Variants in VOPP1 observed in about 807,000 individuals in gnomAD.
VOPP1 encodes VOPP1 WW domain binding protein, also known as WW domain binding protein VOPP1.
VOPP1 carries 8 observed loss-of-function variants against 23.5 expected under a neutral mutation model. The ratio of observed to expected loss-of-function variants is 0.34; its 90% CI spans 0.20 to 0.61. The LOEUF (loss-of-function observed/expected upper bound fraction) is 0.61, where lower values mean the gene tolerates loss of function less well. Ranked by LOEUF, VOPP1 falls within the 20% of genes least tolerant of loss-of-function variation. The probability of loss-of-function intolerance (pLI) is 0.78; values close to 1 mark genes in which losing one functional copy is unlikely to be tolerated. For synonymous variants in VOPP1, 83 were observed against 97.3 expected, an observed-to-expected ratio of 0.85 and a Z score of 0.86; for missense variants, 174 against 238.1, an observed-to-expected ratio of 0.73 and a Z score of 1.77.
intron 1 of VOPP1, among the ~76,000 whole-genome samples, chr7:55,549,601 C>A (rs1371429810): frequency 6.6e-6 from 1 of 152,244 alleles, no homozygotes; most frequent in Non-Finnish European, 1.5e-5. Flanking sequence ...GCAGGACACA[C>A]TGGCGGACAC....
At chr7:55,473,099 C>T in intron 4 of VOPP1, 54 bp from the exon 5 acceptor site, 1 of 1,555,170 alleles carries the variant, frequency 6.4e-7, no homozygotes, top group Non-Finnish European at 8.6e-7. Flanking sequence ...CATCACACCG[C>T]AAGTATGTGC....
chr7:55,516,958 T>A, intron 2 of VOPP1, among the ~76,000 whole-genome samples: 1 of 118,330 alleles, frequency 8.5e-6, no homozygotes, highest in Non-Finnish European at 1.8e-5. Flanking sequence ...TTTTTTTTTT[T>A]TTTTTGAGAC....
chr7:55,469,847 C>T (rs1339105930), downstream of VOPP1, among the ~76,000 whole-genome samples: 1 of 152,214 alleles, frequency 6.6e-6, no homozygotes, highest in East Asian at 1.9e-4. Context: ...AAATGCTCTA[C>T]AGACTTTTAG....
intron 2 of VOPP1, among the ~76,000 whole-genome samples, chr7:55,519,237 C>T (rs557515471): frequency 6.6e-5 from 10 of 152,270 alleles, no homozygotes; most frequent in South Asian, 4.1e-4. Flanking sequence ...GAGAAAAGCG[C>T]GAAAGGAAAC....
At chr7:55,455,243 C>T (rs1791337444) in intron 4 of VOPP1, among the ~76,000 whole-genome samples, 1 of 152,100 alleles carries the variant, frequency 6.6e-6, no homozygotes, top group African/African-American at 2.4e-5. Flanking sequence ...AGGAATACAA[C>T]TTACAAGGGA....
chr7:55,548,913 T>TG (rs1797480244), intron 1 of VOPP1, among the ~76,000 whole-genome samples: 1 of 152,182 alleles, frequency 6.6e-6, no homozygotes, highest in Non-Finnish European at 1.5e-5. Context: ...AAATCCACCC[T>TG]GGGGGGATGT....
chr7:55,442,341 A>G (rs1422777971), intron 4 of VOPP1, among the ~76,000 whole-genome samples: 2 of 152,250 alleles, frequency 1.3e-5, no homozygotes, highest in African/African-American at 4.8e-5. Context: ...AGGCTATGAG[A>G]GTGGACTGGA....
At chr7:55,534,910 T>A (rs904290107) in intron 1 of VOPP1, among the ~76,000 whole-genome samples, 3 of 152,204 alleles carry the variant, frequency 2.0e-5, no homozygotes, top group Non-Finnish European at 4.4e-5. Flanking sequence ...CCTTGTCTCT[T>A]CCCAGGACAT....
At position 55,538,532 on chromosome 7, in the gene VOPP1, G is replaced by A. The variant is rs1240618295; in HGVS notation, c.55-17402C>T. On this transcript the variant is annotated intron_variant, in intron 1 of 4. Transcript: ENST00000285279. ...AACAACCCTATGGTCCAAAGACTGA[G>A]GATTCCACAGTCCAACTGAGGATCA... The A allele has an allele frequency of 3.8e-6, 5 of 1,319,590 alleles. No individual in the cohort carries two copies. In the African/African-American group the frequency reaches 4.4e-5, roughly 12 times the overall value. 81.7% of individuals were successfully genotyped at this position (1,319,590 alleles called of 1,614,324 possible). A position where few individuals can be genotyped will look rare whatever the true frequency, so the allele number is the denominator to read the frequency against.
intron 4 of VOPP1, among the ~76,000 whole-genome samples, chr7:55,447,024 G>A (rs868571138): frequency 5.3e-5 from 8 of 152,166 alleles, no homozygotes; most frequent in Admixed American, 2.6e-4. Context: ...CGGGCTTGTG[G>A]CAATGCCAGC....
intron 3 of VOPP1, chr7:55,492,705 A>T (rs1299778710): frequency 3.4e-6 from 1 of 295,956 alleles, no homozygotes; most frequent in African/African-American, 2.2e-5. Flanking sequence ...AAGCACCGTA[A>T]AAGAAAAAGC....
chr7:55,555,309 C>T (rs1229172757), intron 1 of VOPP1, among the ~76,000 whole-genome samples: 1 of 152,140 alleles, frequency 6.6e-6, no homozygotes, highest in African/African-American at 2.4e-5. Flanking sequence ...AATCGCTGGC[C>T]CCAGGGAAGC....
intron 1 of VOPP1, among the ~76,000 whole-genome samples, chr7:55,558,792 G>A (rs1308582411): frequency 2.0e-5 from 3 of 152,296 alleles, no homozygotes; most frequent in Non-Finnish European, 4.4e-5. Context: ...GCTACAGGGT[G>A]AACACCAAAC....
chr7:55,497,502 T>C lies in VOPP1; in HGVS notation c.191+111A>G, dbSNP rs910013808. On this transcript the variant is annotated intron_variant, in intron 3 of 4. Coordinates refer to ENST00000285279, the MANE Select transcript of VOPP1 (RefSeq NM_030796.5). ...CCATTTTCCTGACCAAGGCTGTCCT[T>C]GAGGCCACCACCCAAGTGAAGGTGT... 8 of 1,000,684 alleles carry C rather than the reference T, an allele frequency of 8.0e-6. No individual in the cohort carries two copies. The Admixed American group carries it at 8.1e-5, about 10-fold the overall frequency. 62.0% of individuals were successfully genotyped at this position (1,000,684 alleles called of 1,614,324 possible).
At chr7:55,563,367 T>G (rs531958245) in intron 1 of VOPP1, among the ~76,000 whole-genome samples, 1 of 152,344 alleles carries the variant, frequency 6.6e-6, no homozygotes, top group African/African-American at 2.4e-5. Context: ...GGTATTTAGA[T>G]TCCACTGAAT....
intron 2 of VOPP1, among the ~76,000 whole-genome samples, chr7:55,516,437 AAGAAATC>A (rs1253594105): frequency 6.6e-6 from 1 of 152,212 alleles, no homozygotes; most frequent in Non-Finnish European, 1.5e-5. Flanking sequence ...ATTTAGCACA[AAGAAATC>A]AGAAGAGGTG....
At chr7:55,449,104 A>G (rs908573372) in intron 4 of VOPP1, among the ~76,000 whole-genome samples, 34 of 152,222 alleles carry the variant, frequency 2.2e-4, no homozygotes, top group African/African-American at 8.2e-4. Context: ...AGCACGAACT[A>G]TTTTCATAAT....
intron 2 of VOPP1, among the ~76,000 whole-genome samples, chr7:55,502,617 A>G (rs1338175830): frequency 2.0e-5 from 3 of 152,206 alleles, no homozygotes; most frequent in Non-Finnish European, 4.4e-5. Context: ...TGGGGCCCTA[A>G]GCACACACAC....
chr7:55,501,417 A>G (rs1794358139), intron 2 of VOPP1, among the ~76,000 whole-genome samples: 1 of 152,210 alleles, frequency 6.6e-6, no homozygotes, highest in African/African-American at 2.4e-5. Flanking sequence ...AAAAGTGGAC[A>G]GGCTCAGTCT....
Sources: allele counts gnomAD v4.1 joint callset (sites outside exome capture counted in the v4.1 genomes callset), GRCh38; gene constraint gnomAD v4.1.1; transcripts MANE v1.5; gene names NCBI Gene and HGNC (gene_info 2026-07-23, HGNC 2026-07-21).